The following CHD7 variants were observed in gnomAD, a reference collection of about 807,000 sequenced individuals.
The protein encoded by CHD7 is chromodomain helicase DNA binding protein 7.
CHD7 carries 24 observed loss-of-function variants against 307.3 expected under a neutral mutation model. The observed-to-expected ratio is 0.08, with a 90% CI of 0.06 to 0.11. The LOEUF (loss-of-function observed/expected upper bound fraction) is 0.11. Ranked by LOEUF, CHD7 falls within the 10% of genes least tolerant of loss-of-function variation. CHD7 has a pLI of 1.00. For missense variants in CHD7, 3,106 were observed against 3,727.1 expected, an observed-to-expected ratio of 0.83 and a Z score of 4.34; for synonymous variants, 1,363 against 1,349.9, an observed-to-expected ratio of 1.01 and a Z score of -0.21.
intron 25 of CHD7, among the ~76,000 whole-genome samples, chr8:60,849,458 G>A (rs150408267): frequency 6.6e-6 from 1 of 152,246 alleles, no homozygotes; most frequent in East Asian, 1.9e-4. Flanking sequence ...TGCTTCCAGC[G>A]CGGCTTCCCT....
chr8:60,725,786 G>A (rs1351835631), intron 1 of CHD7, among the ~76,000 whole-genome samples: 2 of 152,178 alleles, frequency 1.3e-5, no homozygotes, highest in Non-Finnish European at 2.9e-5. Context: ...TCACTCTTCT[G>A]AGAAATTTGC....
chr8:60,845,153 ACCCCATATTT>A, intron 22 of CHD7, 87 bp from the exon 23 acceptor site: 1 of 1,574,954 alleles, frequency 6.3e-7, no homozygotes. Flanking sequence ...TGTGACATAA[ACCCCATATTT>A]CCCTGCCTCG....
At chr8:60,716,063 A>G (rs1586205529) in intron 1 of CHD7, among the ~76,000 whole-genome samples, 1 of 151,948 alleles carries the variant, frequency 6.6e-6, no homozygotes, top group Non-Finnish European at 1.5e-5. Flanking sequence ...GTCCTCCTTG[A>G]CTCTTTCACA....
intron 35 of CHD7, 55 bp downstream of exon 35, chr8:60,861,180 T>C: frequency 1.5e-6 from 2 of 1,348,364 alleles, no homozygotes; most frequent in Non-Finnish European, 2.1e-6. Context: ...GTCCACTTCA[T>C]TCCCTTACAA....
chr8:60,765,241 G>A (rs1346525344), intron 2 of CHD7, among the ~76,000 whole-genome samples: 1 of 150,688 alleles, frequency 6.6e-6, no homozygotes, highest in Non-Finnish European at 1.5e-5. Context: ...GCACACGCAT[G>A]CATGCACACA....
chr8:60,860,848 A>G (rs141038824), intron 34 of CHD7, 56 bp from the exon 35 acceptor site: 20 of 1,307,158 alleles, frequency 1.5e-5, no homozygotes, highest in Non-Finnish European at 2.1e-5. Context: ...GAAATAGGAC[A>G]TTGTCAGAGG....
intron 21 of CHD7, among the ~76,000 whole-genome samples, chr8:60,843,411 A>G (rs1805060727): frequency 4.6e-5 from 7 of 152,338 alleles, no homozygotes; most frequent in Middle Eastern, 3.4e-3. Flanking sequence ...ACACATAAAT[A>G]ACTCCTACAG....
intron 2 of CHD7, among the ~76,000 whole-genome samples, chr8:60,779,212 A>G (rs1311218070): frequency 6.6e-6 from 1 of 152,214 alleles, no homozygotes; most frequent in Non-Finnish European, 1.5e-5. Context: ...AACTAACCCC[A>G]GATGGGTGAA....
chr8:60,811,551 C>T (rs533709302), intron 7 of CHD7, among the ~76,000 whole-genome samples: 25 of 152,204 alleles, frequency 1.6e-4, no homozygotes, highest in Non-Finnish European at 3.4e-4. Flanking sequence ...GCATGACTGC[C>T]GTAACCATTC....
At chr8:60,696,843 G>GTT (rs577163954) in intron 1 of CHD7, among the ~76,000 whole-genome samples, 1 of 138,034 alleles carries the variant, frequency 7.2e-6, no homozygotes. Context: ...AATTTTGCAT[G>GTT]TTTTTTTTTT....
intron 7 of CHD7, among the ~76,000 whole-genome samples, chr8:60,811,783 T>C (rs976799375): frequency 2.0e-5 from 3 of 152,232 alleles, no homozygotes; most frequent in Non-Finnish European, 4.4e-5. Flanking sequence ...GTTGTATGAA[T>C]TTATGTTCCT....
intron 37 of CHD7, chr8:60,864,809 CT>C: frequency 1.7e-6 from 1 of 581,326 alleles, no homozygotes; most frequent in East Asian, 3.0e-5. Flanking sequence ...GATGAGTAGC[CT>C]TGAGCAATTT....
intron 1 of CHD7, among the ~76,000 whole-genome samples, chr8:60,680,376 C>G (rs1360157477): frequency 1.1e-5 from 1 of 87,098 alleles, no homozygotes; most frequent in Non-Finnish European, 2.1e-5. Context: ...GCGGGCGCGG[C>G]GGCGCGGGGC....
intron 2 of CHD7, among the ~76,000 whole-genome samples, chr8:60,764,747 G>C (rs910161884): frequency 6.6e-6 from 1 of 152,174 alleles, no homozygotes; most frequent in Non-Finnish European, 1.5e-5. Flanking sequence ...TGATGTAACT[G>C]TAACAAAGAG....
chr8:60,843,344 C>T (rs2150789687), intron 21 of CHD7, among the ~76,000 whole-genome samples: 1 of 152,348 alleles, frequency 6.6e-6, no homozygotes, highest in Non-Finnish European at 1.5e-5. Flanking sequence ...ATGCCTGCTG[C>T]CATGTTTCAG....
intron 1 of CHD7, among the ~76,000 whole-genome samples, chr8:60,738,034 C>T (rs62524950): frequency 6.6e-6 from 1 of 152,096 alleles, no homozygotes; most frequent in Non-Finnish European, 1.5e-5. Flanking sequence ...AACATAAATG[C>T]AACTTGAATG....
intron 11 of CHD7, 82 bp from the exon 12 acceptor site, chr8:60,822,421 C>T: frequency 1.5e-6 from 2 of 1,354,226 alleles, no homozygotes; most frequent in South Asian, 1.4e-5. Flanking sequence ...TTTGTGGGTA[C>T]AATGGTATAT....
rs2129650472 is a variant in CHD7 at position 60,856,676 on chromosome 8, A to G, written c.7396A>G (p.Ile2466Val). The G allele has an allele frequency of 1.9e-6, 3 of 1,614,050 alleles. No homozygotes were observed. Among genetic ancestry groups the G allele is most frequent in the East Asian group, 2.2e-5 (1 of 44,886 alleles). Residue 2466 changes from isoleucine to valine, a missense_variant, in exon 34 of 38, where the codon ATC becomes GTC. Coordinates refer to ENST00000423902, the MANE Select transcript of CHD7 (RefSeq NM_017780.4). ...TTTTTCATCTCTTTCTTCAAAGTTT[A>G]TCTTGCCTAATGTCTCAACACCAGT... ...SNFSSLSSKF[I>V]LPNVSTPVSD... is the part of the protein sequence containing the mutation.
At chr8:60,786,209 G>A (rs1811484793) in intron 3 of CHD7, among the ~76,000 whole-genome samples, 1 of 152,196 alleles carries the variant, frequency 6.6e-6, no homozygotes, top group Admixed American at 6.5e-5. Context: ...CCTTTTGCTA[G>A]CCAGCATCAG....
Sources: gnomAD v4.1 joint callset for allele counts (sites outside exome capture counted in the v4.1 genomes callset) on GRCh38, gnomAD v4.1.1 for gene constraint, MANE v1.5 for transcripts, NCBI Gene and HGNC (gene_info 2026-07-23, HGNC 2026-07-21) for gene names.